CDHR1: variants seen among roughly 807,000 people sequenced by gnomAD.
CDHR1 encodes cadherin related family member 1.
CDHR1 carries 61 observed loss-of-function variants against 72.1 expected under a neutral mutation model. The observed-to-expected ratio is 0.85, with a 90% CI of 0.69 to 1.05. The LOEUF is 1.05. CDHR1 is among the 50% of genes least tolerant of loss of function. The pLI is 0.00. For missense variants in CDHR1, 1,186 were observed against 1,115.7 expected (o/e 1.06, Z -0.90); for synonymous variants, 470 against 448.1 (o/e 1.05, Z -0.62).
At position 84,213,072 on chromosome 10, in the gene CDHR1, T is replaced by C; in HGVS notation, c.1783-19T>C. 1 of 1,614,228 alleles carries C rather than the reference T, an allele frequency of 6.2e-7. No homozygotes were observed. Among genetic ancestry groups the C allele is most frequent in the Non-Finnish European group, 8.5e-7 (1 of 1,180,046 alleles). The stretch of plus-strand genomic sequence containing the variant: ...ATTGTCCCCAAAGCCCAGCTCTGTC[T>C]GTCTCTCCCTGCGCACAGGCCATAG... On this transcript the variant is annotated intron_variant, in intron 15 of 16. Transcript: ENST00000623527.
In CDHR1 at chr10:84,208,248, CA is replaced by C; in HGVS notation, c.1040del (p.Asn347ThrfsTer21). 1 of 1,614,142 alleles carries C rather than the reference CA, an allele frequency of 6.2e-7. No homozygotes were observed. The highest frequency in any genetic ancestry group is 1.7e-5 in the Admixed American group (1 of 60,022). ...VPVTIRIVDLNNHPPTFYGES... is the reference protein window; with the variant it reads ...VPVTIRIVDLXNHPPTFYGES... ...CAGTCACCATCAGGATTGTGGACCTCAACAACCACCCGCCAACATTCTATGG... is the reference window on the plus strand; with the variant it reads ...CAGTCACCATCAGGATTGTGGACCTCACAACCACCCGCCAACATTCTATGG... On this transcript the variant is annotated frameshift_variant, in exon 11 of 17. Transcript: ENST00000623527. LOFTEE classifies it high-confidence loss of function.
rs117068125 is a variant in CDHR1, at chr10:84,212,028, C to T, written c.1554-151C>T. On this transcript the variant is annotated intron_variant, in intron 14 of 16. Coordinates refer to ENST00000623527, the MANE Select transcript of CDHR1 (RefSeq NM_033100.4). Reference sequence around the variant, plus strand: ...ATGTGGATCTACCTCACTTAGATTGCAAGGATAGGAGGGAGCAGGTAGGAC... The same window carrying T: ...ATGTGGATCTACCTCACTTAGATTGTAAGGATAGGAGGGAGCAGGTAGGAC... The T allele has an allele frequency of 8.6e-3, 6,279 of 732,528 alleles. 220 individuals are homozygous for T. The highest frequency in any genetic ancestry group is 0.063 in the Admixed American group (3,112 of 49,512). 45.4% of individuals were successfully genotyped at this position (732,528 alleles called of 1,614,324 possible).
At chr10:84,204,831 G>C (rs1842195933) in intron 9 of CDHR1, among the ~76,000 whole-genome samples, 1 of 152,174 alleles carries the variant, frequency 6.6e-6, no homozygotes, top group Admixed American at 6.5e-5. Flanking sequence ...GGGGCGCTGA[G>C]AGCAACACGG....
chr10:84,194,635 C>T lies in CDHR1; in HGVS notation c.-126C>T, dbSNP rs1263867874. 2.2e-5 allele frequency: 14 copies of T among 647,868 alleles called. No individual in the cohort carries two copies. Among genetic ancestry groups the T allele is most frequent in the Middle Eastern group, 4.6e-4 (1 of 2,182 alleles). The allele number at this position is 647,868 out of a possible 1,614,324, so 40.1% of individuals were successfully genotyped here. A position where few individuals can be genotyped will look rare whatever the true frequency, so the allele number is the denominator to read the frequency against. ...CCGCCGCTCCCGCCCCGTGCCCCCT[C>T]CCGCCGCGGCTGCAGTCGCCGCTAC... On this transcript the variant is annotated 5_prime_UTR_variant, in exon 1 of 17. Coordinates refer to ENST00000623527, the MANE Select transcript of CDHR1 (RefSeq NM_033100.4).
intron 4 of CDHR1, among the ~76,000 whole-genome samples, chr10:84,198,266 C>T (rs1842062110): frequency 6.6e-6 from 1 of 152,220 alleles, no homozygotes; most frequent in Non-Finnish European, 1.5e-5. Context: ...ACCCCAACTG[C>T]CTCTGAAGTT....
At chr10:84,218,699 G>A (rs564415895), downstream of CDHR1, 20 of 988,586 alleles carry the variant, frequency 2.0e-5, no homozygotes, top group South Asian at 5.6e-4. Flanking sequence ...CAACTATATC[G>A]GAAACTGTAG....
intron 15 of CDHR1, 38 bp from the exon 16 acceptor site, chr10:84,213,053 C>T: frequency 6.2e-7 from 1 of 1,614,158 alleles, no homozygotes; most frequent in African/African-American, 1.3e-5. Flanking sequence ...AAGGATTGTC[C>T]CCAAAGCCCA....
rs765046638 is a variant in CDHR1, at chr10:84,212,359, G to A, written c.1734G>A (p.Lys578=). ...ATGACCACCCCCCTCAGTTTGGAAA[G>A]AGCGTTCAGAAGAAGACGATGGTGC... ...DVNDHPPQFG[K]SVQKKTMVLG... Residue 578 remains lysine, a synonymous_variant, in exon 15 of 17, where the codon AAG becomes AAA. Transcript: ENST00000623527. 10 of 1,614,238 alleles carry A rather than the reference G, an allele frequency of 6.2e-6. No individual in the cohort carries two copies. In the East Asian group the frequency reaches 1.8e-4, roughly 29 times the overall value.
downstream of CDHR1, chr10:84,219,249 T>C (rs757186588): frequency 1.2e-5 from 18 of 1,550,492 alleles, no homozygotes; most frequent in African/African-American, 1.9e-4. Context: ...ACTCTAGAGT[T>C]TTTCAAGGGG....
chr10:84,204,539 C>T lies in CDHR1; in HGVS notation c.796C>T (p.Leu266=), dbSNP rs775389758. The stretch of plus-strand genomic sequence containing the variant: ...CTGTTTCCCCGAGGGCTCGGAGGTA[C>T]TGAAGGTGGTCGCCATGGATGGAGA... ...YEDTLPGSEV[L]KVVAMDGDRG... Residue 266 remains leucine (L), a synonymous_variant, in exon 9 of 17, where the codon CTG becomes TTG. Coordinates refer to ENST00000623527, the MANE Select transcript of CDHR1 (RefSeq NM_033100.4). 1.2e-6 allele frequency: 2 copies of T among 1,612,964 alleles called. No individual in the cohort carries two copies. The highest frequency in any genetic ancestry group is 1.7e-6 in the Non-Finnish European group (2 of 1,178,942).
In CDHR1 at chr10:84,214,373, T is replaced by C. The variant is rs1322066674; in HGVS notation, c.2332T>C (p.Cys778Arg). 6.2e-7 allele frequency: 1 copy of C among 1,613,998 alleles called. No individual in the cohort carries two copies. Among genetic ancestry groups the C allele is most frequent in the Non-Finnish European group, 8.5e-7 (1 of 1,180,038 alleles). ...MLKEKPPNENCNNNSPESSLL... is the reference protein window; with the variant it reads ...MLKEKPPNENRNNNSPESSLL... Reference sequence around the variant, plus strand: ...CAAAGAGAAACCTCCCAATGAGAACTGTAACAACAACAGCCCAGAAAGCTC... The same window carrying C: ...CAAAGAGAAACCTCCCAATGAGAACCGTAACAACAACAGCCCAGAAAGCTC... Residue 778 changes from cysteine to arginine, a missense_variant, in exon 17 of 17, where the codon TGT (cysteine) becomes CGT (arginine). Cys to Arg is a radical substitution (Grantham distance 180). Transcript: ENST00000623527.
At chr10:84,195,400 G>T (rs1377233995) in intron 1 of CDHR1, 94 bp from the exon 2 acceptor site, 5 of 1,161,146 alleles carry the variant, frequency 4.3e-6, no homozygotes, top group Non-Finnish European at 5.1e-6. Context: ...CCCAGTAGCT[G>T]GGCCTGACGC....
rs1190966778 is a variant in CDHR1 at position 84,216,517 on chromosome 10, C to T, written c.*1896C>T. 21 of 985,400 alleles carry T rather than the reference C, an allele frequency of 2.1e-5. No individual in the cohort carries two copies. The Admixed American group carries it at 6.1e-4, about 29-fold the overall frequency. 61.0% of individuals were successfully genotyped at this position (985,400 alleles called of 1,614,324 possible). A position where few individuals can be genotyped will look rare whatever the true frequency, so the allele number is the denominator to read the frequency against. Reference sequence around the variant, plus strand: ...TGTAAATGGAAAATAAAGTCTGTTACCCAAAGGCCATGCTGATCCCCTGCT... The same window carrying T: ...TGTAAATGGAAAATAAAGTCTGTTATCCAAAGGCCATGCTGATCCCCTGCT... On this transcript the variant is annotated 3_prime_UTR_variant, in exon 17 of 17. Transcript: ENST00000623527.
Position 84,204,531 on chromosome 10 carries a change from C to G in CDHR1, c.788C>G (p.Ser263Trp). Reference protein sequence around the residue: ...GYVYEDTLPGSEVLKVVAMDG... With the variant: ...GYVYEDTLPGWEVLKVVAMDG... ...GGCTGTTCCTGTTTCCCCGAGGGCTCGGAGGTACTGAAGGTGGTCGCCATG... is the reference window on the plus strand; with the variant it reads ...GGCTGTTCCTGTTTCCCCGAGGGCTGGGAGGTACTGAAGGTGGTCGCCATG... The change falls in exon 9 of 17, where the codon TCG becomes TGG. Residue 263 changes from serine (S) to tryptophan (W), a missense_variant. Transcript: ENST00000623527. 1.2e-6 allele frequency: 2 copies of G among 1,611,720 alleles called. No individual in the cohort carries two copies. Among genetic ancestry groups the G allele is most frequent in the South Asian group, 1.1e-5 (1 of 91,026 alleles).
chr10:84,195,210 A>G (rs990724186), intron 1 of CDHR1, among the ~76,000 whole-genome samples: 2 of 152,190 alleles, frequency 1.3e-5, no homozygotes, highest in African/African-American at 4.8e-5. Flanking sequence ...CGCGGGTGCA[A>G]TCTGCCCATT....
Position 84,199,026 on chromosome 10 carries a change from T to A in CDHR1, c.349-6T>A. On this transcript the variant is annotated splice_polypyrimidine_tract_variant and splice_region_variant and intron_variant, in intron 4 of 16. Coordinates refer to ENST00000623527, the MANE Select transcript of CDHR1 (RefSeq NM_033100.4). ...ACTGGCTCTTGACCCCTCTGCCCCT[T>A]CTCAGGTGGCCGAAAAAGTCGTGAT... 1 of 1,551,470 alleles carries A rather than the reference T, an allele frequency of 6.4e-7. No individual in the cohort carries two copies. Among genetic ancestry groups the A allele is most frequent in the East Asian group, 2.4e-5 (1 of 40,912 alleles).
chr10:84,209,073 C>G (rs1205813365), intron 12 of CDHR1, among the ~76,000 whole-genome samples, 192 bp downstream of exon 12: 1 of 152,196 alleles, frequency 6.6e-6, no homozygotes, highest in Non-Finnish European at 1.5e-5. Flanking sequence ...GGCTTCCACA[C>G]CACAACCAGC....
intron 2 of CDHR1, among the ~76,000 whole-genome samples, chr10:84,195,986 C>G (rs1842023412): frequency 6.6e-6 from 1 of 152,232 alleles, no homozygotes; most frequent in Non-Finnish European, 1.5e-5. Context: ...CACTCCTTCT[C>G]CCTCACTTTG....
chr10:84,199,500 A>G (rs1842085992), intron 5 of CDHR1, among the ~76,000 whole-genome samples: 1 of 152,144 alleles, frequency 6.6e-6, no homozygotes, highest in South Asian at 2.1e-4. Flanking sequence ...TATGCTTCCT[A>G]TATCCTATTT....
Sources: allele counts gnomAD v4.1 joint callset (sites outside exome capture counted in the v4.1 genomes callset), GRCh38; gene constraint gnomAD v4.1.1; transcripts MANE v1.5; gene names NCBI Gene and HGNC (gene_info 2026-07-23, HGNC 2026-07-21).